VPS13A: variants seen among roughly 807,000 people sequenced by gnomAD.
The protein encoded by VPS13A is intermembrane lipid transfer protein VPS13A.
A neutral mutation model predicts 390.9 loss-of-function variants in VPS13A; 264 were observed. The observed-to-expected ratio is 0.68, with a 90% CI of 0.61 to 0.75. VPS13A has a LOEUF of 0.75. Among genes scored for constraint, VPS13A ranks in the 30% least tolerant of loss-of-function variants. The probability of loss-of-function intolerance (pLI) is 0.00; values close to 1 mark genes in which losing one functional copy is unlikely to be tolerated. For missense variants in VPS13A, 3,409 were observed against 3,733.9 expected, an observed-to-expected ratio of 0.91 and a Z score of 2.27; for synonymous variants, 1,231 against 1,227.1, an observed-to-expected ratio of 1.00 and a Z score of -0.07.
chr9:77,197,376 A>C (rs891942200), intron 1 of VPS13A, among the ~76,000 whole-genome samples: 4 of 152,166 alleles, frequency 2.6e-5, no homozygotes, highest in African/African-American at 9.7e-5. Flanking sequence ...TCTACTGCTA[A>C]TGTAGTGCTA....
intron 31 of VPS13A, among the ~76,000 whole-genome samples, chr9:77,284,684 T>TC (rs1827232736): frequency 6.6e-6 from 1 of 152,084 alleles, no homozygotes; most frequent in Non-Finnish European, 1.5e-5. Context: ...TTGATTTTTT[T>TC]CTCTGTAATT....
chr9:77,369,523 C>T, intron 63 of VPS13A, 111 bp downstream of exon 63: 1 of 766,122 alleles, frequency 1.3e-6, no homozygotes, highest in Admixed American at 1.9e-5. Flanking sequence ...TTGGAACACA[C>T]ACAAAAGGAC....
At chr9:77,291,354 C>G (rs915819884) in intron 31 of VPS13A, among the ~76,000 whole-genome samples, 5 of 152,136 alleles carry the variant, frequency 3.3e-5, no homozygotes, top group African/African-American at 1.2e-4. Flanking sequence ...AAAACAGCTC[C>G]CTGTTACCAA....
In VPS13A at chr9:77,227,327, G is replaced by A. The variant is rs1823573150; in HGVS notation, c.1358-64G>A. On this transcript the variant is annotated intron_variant, in intron 15 of 71. Coordinates refer to ENST00000360280, the MANE Select transcript of VPS13A (RefSeq NM_033305.3). ...TTTCACATTCTGTTTATTAAAGGCA[G>A]ATACATTGTGTTAATTTTATTGTTT... 3.0e-5 allele frequency: 34 copies of A among 1,149,552 alleles called. No homozygotes were observed. In the South Asian group the frequency reaches 4.1e-4, roughly 14 times the overall value. The allele number at this position is 1,149,552 out of a possible 1,614,324, so 71.2% of individuals were successfully genotyped here. A position where few individuals can be genotyped will look rare whatever the true frequency, so the allele number is the denominator to read the frequency against.
intron 31 of VPS13A, among the ~76,000 whole-genome samples, 183 bp from the exon 32 acceptor site, chr9:77,293,158 A>T (rs1269926742): frequency 6.6e-6 from 1 of 152,236 alleles, no homozygotes; most frequent in South Asian, 2.1e-4. Flanking sequence ...CCAATTTGTA[A>T]AAGTTTGTAG....
chr9:77,328,072 A>G (rs960248919), intron 45 of VPS13A, among the ~76,000 whole-genome samples: 19 of 152,206 alleles, frequency 1.2e-4, no homozygotes, highest in African/African-American at 4.6e-4. Flanking sequence ...CAAATATACA[A>G]TGTTACATAT....
At chr9:77,385,491 A>G (rs959959153) in intron 68 of VPS13A, among the ~76,000 whole-genome samples, 5 of 152,102 alleles carry the variant, frequency 3.3e-5, no homozygotes, top group East Asian at 3.9e-4. Context: ...AAACATAACT[A>G]TATATATTTT....
intron 43 of VPS13A, 67 bp from the exon 44 acceptor site, chr9:77,321,424 T>G: frequency 1.6e-5 from 26 of 1,596,220 alleles, no homozygotes; most frequent in Non-Finnish European, 2.2e-5. Context: ...TCATTTGTCC[T>G]TTACTGTTCT....
chr9:77,260,586 G>A (rs1587441272), intron 23 of VPS13A, among the ~76,000 whole-genome samples: 2 of 151,638 alleles, frequency 1.3e-5, no homozygotes, highest in South Asian at 2.1e-4. Flanking sequence ...CGGTCTCCTG[G>A]TCTTGTGATC....
rs1178514413 is a variant in VPS13A, at chr9:77,344,205, A to T, written c.7079A>T (p.Glu2360Val). The change falls in exon 51 of 72, where the codon GAA (glutamate) becomes GTA (valine). Residue 2360 changes from glutamate (E) to valine (V), a missense_variant. Around this residue, in one of 5 missense-constraint regions of VPS13A, gnomAD observed 2,717 missense variants for 2,917.4 expected, o/e 0.93. Coordinates refer to ENST00000360280, the MANE Select transcript of VPS13A (RefSeq NM_033305.3). ...YASSKLLIQV[E>V]RSEDPPKRIY... ...TCTAGTAAACTTCTTATTCAAGTCG[A>T]AAGGAGTGAAGATCCTCCCAAAAGG... The T allele has an allele frequency of 1.1e-5, 18 of 1,612,644 alleles. No homozygotes were observed. The highest frequency in any genetic ancestry group is 1.5e-5 in the Non-Finnish European group (18 of 1,178,954).
chr9:77,354,605 TA>T (rs1831654882), intron 54 of VPS13A, among the ~76,000 whole-genome samples: 1 of 152,128 alleles, frequency 6.6e-6, no homozygotes, highest in Non-Finnish European at 1.5e-5. Flanking sequence ...AATATTTAAG[TA>T]ACATATGAAA....
intron 71 of VPS13A, 170 bp downstream of exon 71, chr9:77,407,777 G>C (rs1834695738): frequency 1.8e-6 from 1 of 567,178 alleles, no homozygotes; most frequent in Admixed American, 3.2e-5. Flanking sequence ...ATTTACCCCA[G>C]ACTTTTTTTT....
At chr9:77,197,867 T>C (rs764582698) in intron 1 of VPS13A, among the ~76,000 whole-genome samples, 1 of 152,238 alleles carries the variant, frequency 6.6e-6, no homozygotes, top group Non-Finnish European at 1.5e-5. Flanking sequence ...TCTGTGGTTG[T>C]TTGGCATCAT....
At chr9:77,280,880 G>A (rs993826405) in intron 27 of VPS13A, among the ~76,000 whole-genome samples, 2 of 151,978 alleles carry the variant, frequency 1.3e-5, no homozygotes, top group Non-Finnish European at 2.9e-5. Context: ...TGTAGCAAAA[G>A]TATTCTAGAC....
chr9:77,327,906 T>C (rs936493402), intron 45 of VPS13A, among the ~76,000 whole-genome samples: 1 of 152,190 alleles, frequency 6.6e-6, no homozygotes, highest in African/African-American at 2.4e-5. Context: ...CCTGTTCTCA[T>C]GTATCACAAA....
At chr9:77,216,782 C>T (rs1052658167) in intron 10 of VPS13A, among the ~76,000 whole-genome samples, 1 of 152,090 alleles carries the variant, frequency 6.6e-6, no homozygotes, top group Admixed American at 6.6e-5. Flanking sequence ...AGCTGAGGAG[C>T]AAGGAAGCCA....
At chr9:77,367,909 A>C in intron 61 of VPS13A, 146 bp from the exon 62 acceptor site, 1 of 731,834 alleles carries the variant, frequency 1.4e-6, no homozygotes, top group Non-Finnish European at 2.3e-6. Flanking sequence ...TGTATGTAAA[A>C]AGTAAATTTC....
intron 19 of VPS13A, among the ~76,000 whole-genome samples, chr9:77,246,097 G>A (rs1824792171): frequency 1.3e-5 from 2 of 152,090 alleles, no homozygotes; most frequent in Admixed American, 6.5e-5. Flanking sequence ...GTCTTATTAG[G>A]GTCCCACCTC....
At chr9:77,381,329 ATG>A (rs1833424660) in intron 67 of VPS13A, among the ~76,000 whole-genome samples, 1 of 152,076 alleles carries the variant, frequency 6.6e-6, no homozygotes, top group South Asian at 2.1e-4. Context: ...GGATTGGGGT[ATG>A]TGTTTACAGT....
Sources: allele counts gnomAD v4.1 joint callset (sites outside exome capture counted in the v4.1 genomes callset), GRCh38; gene constraint gnomAD v4.1.1; regional missense constraint gnomAD v4.1.1; transcripts MANE v1.5; gene names NCBI Gene and HGNC (gene_info 2026-07-23, HGNC 2026-07-21).